Variants in TRAF3IP1 observed in about 807,000 individuals in gnomAD.
TRAF3IP1 encodes the protein intraflagellar transport 54, also known as TRAF3-interacting protein 1.
TRAF3IP1 carries 53 observed loss-of-function variants against 89.9 expected under a neutral mutation model. The observed-to-expected ratio is 0.59, with a 90% confidence interval of 0.47 to 0.74. The LOEUF (loss-of-function observed/expected upper bound fraction) is 0.74, where lower values mean the gene tolerates loss of function less well. Among genes scored for constraint, TRAF3IP1 ranks in the 30% least tolerant of loss-of-function variants. The probability of loss-of-function intolerance (pLI) is 0.00; values close to 1 mark genes in which losing one functional copy is unlikely to be tolerated. For synonymous variants in TRAF3IP1, 311 were observed against 322.1 expected (o/e 0.97, Z 0.37); for missense variants, 806 against 866.1 (o/e 0.93, Z 0.87).
intron 15 of TRAF3IP1, among the ~76,000 whole-genome samples, chr2:238,383,757 C>T (rs944659101): frequency 2.6e-5 from 4 of 152,130 alleles, no homozygotes; most frequent in Non-Finnish European, 4.4e-5. Flanking sequence ...GAGCTAAACC[C>T]GTTTTATTAC....
intron 3 of TRAF3IP1, among the ~76,000 whole-genome samples, chr2:238,327,691 C>T (rs1697905722): frequency 6.6e-6 from 1 of 152,092 alleles, no homozygotes; most frequent in Non-Finnish European, 1.5e-5. Flanking sequence ...ATCTCCAGGA[C>T]TCTTCTCCTT....
Position 238,379,546 on chromosome 2 carries a change from C to T in TRAF3IP1, c.1690-17913C>T, listed in dbSNP as rs1700460114. ...GTATGTGAATTTTCCTTTGCTCATC[C>T]AGTCCTTAGACTCACTTCTTCTATT... On this transcript the variant is annotated intron_variant, in intron 15 of 16. Transcript: ENST00000373327. The surrounding 1 kb of genome is among the most constrained non-coding windows in gnomAD (Gnocchi z 4.0). Among the ~76,000 whole-genome samples the T allele has an allele frequency of 6.6e-6, 1 of 152,204 alleles. No homozygotes were observed. The highest frequency in any genetic ancestry group is 1.5e-5 in the Non-Finnish European group (1 of 68,030).
At chr2:238,338,502 T>C (rs1354427256) in intron 8 of TRAF3IP1, 45 bp downstream of exon 8, 1 of 1,048,072 alleles carries the variant, frequency 9.5e-7, no homozygotes, top group Non-Finnish European at 1.4e-6. Flanking sequence ...ACCACTTTAA[T>C]GTGAATGGTT....
In TRAF3IP1 at chr2:238,347,249, T is replaced by G; in HGVS notation, c.1262-206T>G. 5.2e-6 allele frequency: 3 copies of G among 581,178 alleles called. No individual in the cohort carries two copies. In the Admixed American group the frequency reaches 9.4e-5, roughly 18 times the overall value. The allele number at this position is 581,178 out of a possible 1,614,324, so 36.0% of individuals were successfully genotyped here. A position where few individuals can be genotyped will look rare whatever the true frequency, so the allele number is the denominator to read the frequency against. ...TAGTACCATTTTATGATGCACAGTT[T>G]GTTTGCTCTTTGTTTTTCTATCTTT... On this transcript the variant is annotated intron_variant, in intron 9 of 16. Transcript: ENST00000373327.
chr2:238,370,113 C>G (rs1700043846), intron 15 of TRAF3IP1, among the ~76,000 whole-genome samples: 4 of 152,152 alleles, frequency 2.6e-5, no homozygotes. Flanking sequence ...GTTCAGCTCT[C>G]AGGTCATCTC....
intron 1 of TRAF3IP1, among the ~76,000 whole-genome samples, chr2:238,323,451 T>C (rs866851360): frequency 6.6e-6 from 1 of 152,188 alleles, no homozygotes; most frequent in Non-Finnish European, 1.5e-5. Flanking sequence ...GTTCCAGGAA[T>C]GTTAAATGCA....
chr2:238,357,705 G>A (rs1269069862), intron 15 of TRAF3IP1, among the ~76,000 whole-genome samples: 1 of 152,192 alleles, frequency 6.6e-6, no homozygotes, highest in East Asian at 1.9e-4. Context: ...TATGCATGAG[G>A]GGTTGTCCTG....
In TRAF3IP1 at chr2:238,352,769, A is replaced by G. The variant is rs1421560545; in HGVS notation, c.1452-58A>G. 6 of 1,526,292 alleles carry G rather than the reference A, an allele frequency of 3.9e-6. No homozygotes were observed. In the East Asian group the frequency reaches 1.1e-4, roughly 29 times the overall value. The allele number at this position is 1,526,292 out of a possible 1,614,324, so 94.5% of individuals were successfully genotyped here. The stretch of plus-strand genomic sequence containing the variant: ...CTGCCGACCTCTGACACAGTTTCAG[A>G]TGCTTGGGACTGATGAAAATGTGTA... On this transcript the variant is annotated intron_variant, in intron 12 of 16. Transcript: ENST00000373327.
chr2:238,361,607 C>A (rs901831490), intron 15 of TRAF3IP1, among the ~76,000 whole-genome samples: 2 of 152,062 alleles, frequency 1.3e-5, no homozygotes, highest in African/African-American at 4.8e-5. Flanking sequence ...TCTAGGGAGC[C>A]CAGGCACTAC....
intron 14 of TRAF3IP1, among the ~76,000 whole-genome samples, chr2:238,354,785 G>T (rs1026834999): frequency 6.6e-6 from 1 of 151,818 alleles, no homozygotes; most frequent in African/African-American, 2.4e-5. Context: ...TGAGTAACTG[G>T]GATTACAGGC....
chr2:238,354,534 T>C (rs1283347001), intron 14 of TRAF3IP1, among the ~76,000 whole-genome samples: 1 of 152,238 alleles, frequency 6.6e-6, no homozygotes, highest in African/African-American at 2.4e-5. Context: ...GTCCCCATGC[T>C]TTATGATCCT....
intron 15 of TRAF3IP1, among the ~76,000 whole-genome samples, chr2:238,391,701 T>C (rs1242663096): frequency 6.6e-6 from 1 of 152,084 alleles, no homozygotes; most frequent in African/African-American, 2.4e-5. Flanking sequence ...ATATGAGGAG[T>C]TTGGCCAGAT....
At chr2:238,364,261 T>C (rs1462376903) in intron 15 of TRAF3IP1, among the ~76,000 whole-genome samples, 1 of 152,240 alleles carries the variant, frequency 6.6e-6, no homozygotes, top group African/African-American at 2.4e-5. Context: ...TTTCTTATTG[T>C]ACTAATGGAC....
rs1439726044 is a variant in TRAF3IP1 at position 238,399,020 on chromosome 2, AAC to A, written c.*103_*104del. ...TAAGTTCCAGTTTGCTAAGAAAATG[AAC>A]AGTTTACAATGTTATTATCCAGCTA... On this transcript the variant is annotated 3_prime_UTR_variant, in exon 17 of 17. Coordinates refer to ENST00000373327, the MANE Select transcript of TRAF3IP1 (RefSeq NM_015650.4). 3 of 1,072,180 alleles carry A rather than the reference AAC, an allele frequency of 2.8e-6. No individual in the cohort carries two copies. Among genetic ancestry groups the A allele is most frequent in the African/African-American group, 3.2e-5 (2 of 62,688 alleles). The allele number at this position is 1,072,180 out of a possible 1,614,324, so 66.4% of individuals were successfully genotyped here.
chr2:238,380,652 C>T (rs758907690), intron 15 of TRAF3IP1, among the ~76,000 whole-genome samples: 6 of 152,182 alleles, frequency 3.9e-5, no homozygotes, highest in Non-Finnish European at 7.3e-5. Flanking sequence ...CAGCCTCACC[C>T]TGAGCAGCCT....
chr2:238,385,059 A>C (rs529838672), intron 15 of TRAF3IP1, among the ~76,000 whole-genome samples: 27 of 151,846 alleles, frequency 1.8e-4, no homozygotes, highest in African/African-American at 6.5e-4. Flanking sequence ...TCTGTCCCCC[A>C]GGCTGGAGTG....
intron 7 of TRAF3IP1, among the ~76,000 whole-genome samples, chr2:238,335,260 CA>C (rs1698328543): frequency 2.0e-5 from 3 of 152,092 alleles, no homozygotes; most frequent in African/African-American, 7.2e-5. Flanking sequence ...CTTTATCATA[CA>C]TTTTTTTTTA....
chr2:238,391,930 A>G (rs1701009610), intron 15 of TRAF3IP1, among the ~76,000 whole-genome samples: 1 of 152,260 alleles, frequency 6.6e-6, no homozygotes, highest in African/African-American at 2.4e-5. Flanking sequence ...ATTTGTGTAT[A>G]ATAAAGACAA....
At chr2:238,348,282 GTA>G (rs143322100) in intron 10 of TRAF3IP1, among the ~76,000 whole-genome samples, 2 of 150,720 alleles carry the variant, frequency 1.3e-5, no homozygotes, top group South Asian at 2.1e-4. Flanking sequence ...CTAGAACCCT[GTA>G]TATATATATA....
Sources: allele counts gnomAD v4.1 joint callset (sites outside exome capture counted in the v4.1 genomes callset), GRCh38; gene constraint gnomAD v4.1.1; non-coding constraint Gnocchi (gnomAD v3.1); transcripts MANE v1.5; gene names NCBI Gene and HGNC (gene_info 2026-07-23, HGNC 2026-07-21).